The following FPGT variants were observed in gnomAD, a reference collection of about 807,000 sequenced individuals.
FPGT encodes fucose-1-phosphate guanylyltransferase.
FPGT carries 41 observed loss-of-function variants against 45.8 expected under a neutral mutation model. The ratio of observed to expected loss-of-function variants is 0.90; its 90% CI spans 0.70 to 1.16. FPGT has a LOEUF of 1.16. Ranked by LOEUF, FPGT falls within the 50% of genes most tolerant of loss-of-function variation. FPGT has a pLI of 0.00. For synonymous variants in FPGT, 292 were observed against 247.2 expected (o/e 1.18, Z -1.70); for missense variants, 755 against 689.1 (o/e 1.10, Z -1.07).
At position 74,198,348 on chromosome 1, in the gene FPGT, T is replaced by C. The variant is rs200584512; in HGVS notation, c.70T>C (p.Ser24Pro). The change falls in exon 1 of 4, where the codon TCC (serine) becomes CCC (proline). Residue 24 changes from serine to proline, a missense_variant. Ser to Pro is a moderately conservative substitution (Grantham distance 74, BLOSUM62 -1). Transcript: ENST00000370898. ...EATQRKLRRFSELRGKLVARG... is the reference protein window; with the variant it reads ...EATQRKLRRFPELRGKLVARG... The stretch of plus-strand genomic sequence containing the variant: ...CACCCAGCGAAAATTGCGGAGGTTT[T>C]CCGAGCTAAGAGGTACCAGAGAAGG... The C allele has an allele frequency of 1.8e-5, 29 of 1,614,016 alleles. No individual in the cohort carries two copies. Among genetic ancestry groups the C allele is most frequent in the Non-Finnish European group, 2.5e-5 (29 of 1,180,034 alleles).
At chr1:74,200,480 C>T (rs1236344774) in intron 2 of FPGT, among the ~76,000 whole-genome samples, 1 of 148,022 alleles carries the variant, frequency 6.8e-6, no homozygotes, top group African/African-American at 2.5e-5. Flanking sequence ...ACTATGAGGT[C>T]AGTACTGTTA....
chr1:74,204,302 G>A (rs887616713), intron 3 of FPGT, 89 bp from the exon 4 acceptor site: 162 of 777,442 alleles, frequency 2.1e-4, no homozygotes, highest in Non-Finnish European at 2.8e-4. Flanking sequence ...ATTTTGATTT[G>A]TAACTTATGG....
Position 74,205,044 on chromosome 1 carries a change from A to G in FPGT, c.997A>G (p.Met333Val). The G allele has an allele frequency of 1.9e-6, 3 of 1,613,674 alleles. No individual in the cohort carries two copies. The South Asian group carries it at 3.3e-5, about 18-fold the overall frequency. ...VIKEESELVE[M>V]RQRIFHLLKG... ...TAAAGAAGAGTCAGAGTTGGTAGAA[A>G]TGAGGCAGAGAATATTTCATCTTCT... The change falls in exon 4 of 4, where the codon ATG becomes GTG. Residue 333 changes from methionine to valine, a missense_variant. Coordinates refer to ENST00000370898, the MANE Select transcript of FPGT (RefSeq NM_003838.5).
chr1:74,198,453 A>G, intron 1 of FPGT, 93 bp downstream of exon 1: 1 of 1,547,898 alleles, frequency 6.5e-7, no homozygotes, highest in Non-Finnish European at 8.8e-7. Flanking sequence ...CTTCCCGTTT[A>G]CTTCTCATCT....
rs1652463199 is a variant in FPGT, at chr1:74,208,521, G to A, written c.*2689G>A. ...ACATCATATACTCAGGTGTGTAAAA[G>A]CCTGCTATTTGTAACTATAATCCAT... On this transcript the variant is annotated 3_prime_UTR_variant, in exon 4 of 4. Coordinates refer to ENST00000370898, the MANE Select transcript of FPGT (RefSeq NM_003838.5). Among the ~76,000 whole-genome samples, 1 of 151,880 alleles carries A rather than the reference G, an allele frequency of 6.6e-6. No individual in the cohort carries two copies. The highest frequency in any genetic ancestry group is 1.5e-5 in the Non-Finnish European group (1 of 67,934).
At position 74,206,642 on chromosome 1, in the gene FPGT, T is replaced by C. The variant is rs192788380; in HGVS notation, c.*810T>C. The stretch of plus-strand genomic sequence containing the variant: ...ATCAGTCCTTCTAACAAAACTTCAA[T>C]TACCAGATGAACTGACTTTAGTTTT... On this transcript the variant is annotated 3_prime_UTR_variant, in exon 4 of 4. Transcript: ENST00000370898. The C allele has an allele frequency of 6.6e-6, 1 of 152,192 alleles. No homozygotes were observed. Among genetic ancestry groups the C allele is most frequent in the African/African-American group, 2.4e-5 (1 of 41,556 alleles). The allele number at this position is 152,192 out of a possible 1,614,324, so 9.4% of individuals were successfully genotyped here.
intron 2 of FPGT, chr1:74,200,959 T>C (rs969535349): frequency 1.2e-5 from 2 of 162,188 alleles, no homozygotes; most frequent in African/African-American, 2.4e-5. Context: ...TTTGGGAGAA[T>C]TATTTAAATG....
At chr1:74,198,680 A>G (rs1428835487) in intron 1 of FPGT, among the ~76,000 whole-genome samples, 1 of 152,222 alleles carries the variant, frequency 6.6e-6, no homozygotes, top group Non-Finnish European at 1.5e-5. Flanking sequence ...TCTAAAAGAT[A>G]CGAAGCACAG....
chr1:74,206,522 C>G lies in FPGT; in HGVS notation c.*690C>G, dbSNP rs762291348. 20 of 151,992 alleles carry G rather than the reference C, an allele frequency of 1.3e-4. No homozygotes were observed. The highest frequency in any genetic ancestry group is 4.6e-4 in the Admixed American group (7 of 15,258). The allele number at this position is 151,992 out of a possible 1,614,324, so 9.4% of individuals were successfully genotyped here. On this transcript the variant is annotated 3_prime_UTR_variant, in exon 4 of 4. Transcript: ENST00000370898. ...CCATAGGAAAACACACATATGCACA[C>G]AAAACTCAGTTATCTGTGGGGAAAG...
chr1:74,205,245 T>G lies in FPGT; in HGVS notation c.1198T>G (p.Ser400Ala), dbSNP rs748902232. The change falls in exon 4 of 4, where the codon TCC becomes GCC. Residue 400 changes from serine (S) to alanine (A), a missense_variant. Coordinates refer to ENST00000370898, the MANE Select transcript of FPGT (RefSeq NM_003838.5). Reference sequence around the variant, plus strand: ...TATACCAGAATGCTCTGGCAAAACATCCTGTATCATTCAAAGCATACTGGA... The same window carrying G: ...TATACCAGAATGCTCTGGCAAAACAGCCTGTATCATTCAAAGCATACTGGA... ...PDIPECSGKT[S>A]CIIQSILDSR... 3.7e-6 allele frequency: 6 copies of G among 1,613,846 alleles called. No homozygotes were observed. The Admixed American group carries it at 1.0e-4, about 27-fold the overall frequency.
chr1:74,205,866 G>C lies in FPGT; in HGVS notation c.*34G>C. On this transcript the variant is annotated 3_prime_UTR_variant, in exon 4 of 4. Transcript: ENST00000370898. ...TAAATATTGTACACTTTGCCTTTTT[G>C]AGTAACATTCCAGAGATAGGTATTT... 1 of 1,244,104 alleles carries C rather than the reference G, an allele frequency of 8.0e-7. No individual in the cohort carries two copies. The highest frequency in any genetic ancestry group is 1.1e-6 in the Non-Finnish European group (1 of 883,826). The allele number at this position is 1,244,104 out of a possible 1,614,324, so 77.1% of individuals were successfully genotyped here. A position where few individuals can be genotyped will look rare whatever the true frequency, so the allele number is the denominator to read the frequency against.
Position 74,205,723 on chromosome 1 carries a change from A to G in FPGT, c.1676A>G (p.Tyr559Cys), listed in dbSNP as rs372383046. The change falls in exon 4 of 4, where the codon TAT (tyrosine) becomes TGT (cysteine). Residue 559 changes from tyrosine to cysteine, a missense_variant. Transcript: ENST00000370898. ...AAGTCAGCATTCAGCCTGAATAGCTATAAGTTGCTGTCCATTGAAGAAATG... is the reference window on the plus strand; with the variant it reads ...AAGTCAGCATTCAGCCTGAATAGCTGTAAGTTGCTGTCCATTGAAGAAATG... ...KNKSAFSLNS[Y>C]KLLSIEEMLI... 1.7e-5 allele frequency: 27 copies of G among 1,608,694 alleles called. No individual in the cohort carries two copies. Among genetic ancestry groups the G allele is most frequent in the East Asian group, 1.1e-4 (5 of 44,832 alleles).
chr1:74,203,096 T>G (rs1434258553), intron 3 of FPGT, among the ~76,000 whole-genome samples: 2 of 152,244 alleles, frequency 1.3e-5, no homozygotes, highest in African/African-American at 4.8e-5. Flanking sequence ...ACCAGTAAAA[T>G]AGTCATTTAT....
rs906347091 is a variant in FPGT at position 74,206,060 on chromosome 1, T to C, written c.*228T>C. ...TGGATGTGTATCAGTATTTTTGTTTTTAATAATGATTGATTTGTGGAGCAT... is the reference window on the plus strand; with the variant it reads ...TGGATGTGTATCAGTATTTTTGTTTCTAATAATGATTGATTTGTGGAGCAT... On this transcript the variant is annotated 3_prime_UTR_variant, in exon 4 of 4. Transcript: ENST00000370898. 5.7e-6 allele frequency: 2 copies of C among 352,726 alleles called. No homozygotes were observed. The highest frequency in any genetic ancestry group is 4.2e-5 in the African/African-American group (2 of 47,558). 21.8% of individuals were successfully genotyped at this position (352,726 alleles called of 1,614,324 possible). A position where few individuals can be genotyped will look rare whatever the true frequency, so the allele number is the denominator to read the frequency against.
Position 74,208,129 on chromosome 1 carries a change from G to A in FPGT, c.*2297G>A, listed in dbSNP as rs147023056. On this transcript the variant is annotated 3_prime_UTR_variant, in exon 4 of 4. Transcript: ENST00000370898. ...GCTAATAGCTATTATACTATCATTTGTAAGGCACATTCTGTTTTCTGGGGT... is the reference window on the plus strand; with the variant it reads ...GCTAATAGCTATTATACTATCATTTATAAGGCACATTCTGTTTTCTGGGGT... Among the ~76,000 whole-genome samples the A allele has an allele frequency of 1.3e-5, 2 of 151,886 alleles. No homozygotes were observed. Among genetic ancestry groups the A allele is most frequent in the African/African-American group, 4.8e-5 (2 of 41,434 alleles).
At chr1:74,200,339 T>C (rs1651672991) in intron 2 of FPGT, among the ~76,000 whole-genome samples, 1 of 152,144 alleles carries the variant, frequency 6.6e-6, no homozygotes, top group African/African-American at 2.4e-5. Flanking sequence ...TAAATGCTGT[T>C]TTTCTGAATG....
intron 2 of FPGT, among the ~76,000 whole-genome samples, chr1:74,200,490 A>G (rs1044483597): frequency 1.6e-5 from 2 of 122,962 alleles, no homozygotes; most frequent in Non-Finnish European, 3.4e-5. Context: ...CAGTACTGTT[A>G]TTATTTCTTT....
chr1:74,205,492 A>G lies in FPGT; in HGVS notation c.1445A>G (p.Lys482Arg), dbSNP rs758016536. 5 of 1,613,372 alleles carry G rather than the reference A, an allele frequency of 3.1e-6. No homozygotes were observed. The South Asian group carries it at 5.5e-5, about 18-fold the overall frequency. Residue 482 changes from lysine to arginine, a missense_variant, in exon 4 of 4, where the codon AAA (lysine) becomes AGA (arginine). Transcript: ENST00000370898. Reference protein sequence around the residue: ...GVQDNLKKSVKTLSDIKLLQF... With the variant: ...GVQDNLKKSVRTLSDIKLLQF... ...CAAGACAACTTGAAAAAGAGTGTGA[A>G]AACATTGTCAGATATAAAGTTACTT...
chr1:74,205,808 C>G lies in FPGT; in HGVS notation c.1761C>G (p.Ile587Met). 6.4e-7 allele frequency: 1 copy of G among 1,560,432 alleles called. No homozygotes were observed. The highest frequency in any genetic ancestry group is 8.8e-7 in the Non-Finnish European group (1 of 1,137,390). Residue 587 changes from isoleucine (I) to methionine (M), a missense_variant, in exon 4 of 4, where the codon ATC becomes ATG. By Grantham distance (10) the Ile-to-Met change is conservative (BLOSUM62 1). Coordinates refer to ENST00000370898, the MANE Select transcript of FPGT (RefSeq NM_003838.5). Reference sequence around the variant, plus strand: ...ACAGGGAACAAATTTTTCTAGAAATCAGTTTAAAAAGCAGTTTGATGTAGA... The same window carrying G: ...ACAGGGAACAAATTTTTCTAGAAATGAGTTTAAAAAGCAGTTTGATGTAGA... ...ITYREQIFLE[I>M]SLKSSLM
Sources: allele counts gnomAD v4.1 joint callset (sites outside exome capture counted in the v4.1 genomes callset), GRCh38; gene constraint gnomAD v4.1.1; transcripts MANE v1.5; gene names NCBI Gene and HGNC (gene_info 2026-07-23, HGNC 2026-07-21).